Variants in ZMAT4 observed in about 807,000 individuals in gnomAD.
The protein encoded by ZMAT4 is zinc finger matrin-type 4.
Under a neutral mutation model 28.7 loss-of-function variants are expected in ZMAT4, and 17 were observed. The observed-to-expected ratio is 0.59, with a 90% CI of 0.41 to 0.89. The LOEUF is 0.89. Ranked by LOEUF, ZMAT4 falls within the 40% of genes least tolerant of loss-of-function variation. The probability of loss-of-function intolerance (pLI) is 0.00; values close to 1 mark genes in which losing one functional copy is unlikely to be tolerated. For synonymous variants in ZMAT4, 117 were observed against 109.2 expected (o/e 1.07, Z -0.44); for missense variants, 240 against 283.8 (o/e 0.85, Z 1.11).
At chr8:40,873,912 T>G (rs982383450) in intron 1 of ZMAT4, among the ~76,000 whole-genome samples, 2 of 152,114 alleles carry the variant, frequency 1.3e-5, no homozygotes, top group African/African-American at 4.8e-5. Context: ...TAATTAACAT[T>G]AACAGAGTAA....
chr8:40,742,643 C>T (rs903907910), intron 3 of ZMAT4, among the ~76,000 whole-genome samples: 1 of 152,036 alleles, frequency 6.6e-6, no homozygotes, highest in African/African-American at 2.4e-5. Flanking sequence ...CATTTCCTCC[C>T]TCTAATCTAC....
intron 3 of ZMAT4, among the ~76,000 whole-genome samples, chr8:40,756,475 A>C (rs1012578998): frequency 4.7e-5 from 4 of 84,824 alleles, no homozygotes; most frequent in African/African-American, 1.9e-4. Flanking sequence ...TGTATACCTG[A>C]AAAAGAGATA....
chr8:40,717,525 G>C (rs937244235), intron 3 of ZMAT4, among the ~76,000 whole-genome samples: 1 of 152,032 alleles, frequency 6.6e-6, no homozygotes. Flanking sequence ...GCCAGGTGTG[G>C]TGGTGCATGC....
At chr8:40,564,816 G>A (rs1215580595) in intron 6 of ZMAT4, among the ~76,000 whole-genome samples, 1 of 152,132 alleles carries the variant, frequency 6.6e-6, no homozygotes, top group African/African-American at 2.4e-5. Flanking sequence ...TAATTGTTGA[G>A]CATCCATTGT....
At chr8:40,585,052 A>G (rs1335888720) in intron 5 of ZMAT4, among the ~76,000 whole-genome samples, 1 of 152,142 alleles carries the variant, frequency 6.6e-6, no homozygotes. Flanking sequence ...AGGCGTTCAC[A>G]TTATTATGGC....
At chr8:40,778,063 C>T (rs905089558) in intron 2 of ZMAT4, among the ~76,000 whole-genome samples, 6 of 152,210 alleles carry the variant, frequency 3.9e-5, no homozygotes, top group Admixed American at 3.3e-4. Flanking sequence ...CTAGGTAAAT[C>T]GGATTACAGT....
chr8:40,836,991 T>C (rs957247679), intron 1 of ZMAT4, among the ~76,000 whole-genome samples: 4 of 152,176 alleles, frequency 2.6e-5, no homozygotes, highest in East Asian at 1.9e-4. Context: ...GATACATACA[T>C]AGACAAATAA....
chr8:40,660,983 G>A (rs563875961), intron 5 of ZMAT4, among the ~76,000 whole-genome samples: 5 of 152,148 alleles, frequency 3.3e-5, no homozygotes, highest in African/African-American at 4.8e-5. Flanking sequence ...CAGGACAATG[G>A]CATCTTGGTA....
At chr8:40,601,597 AG>A (rs1805347577) in intron 5 of ZMAT4, among the ~76,000 whole-genome samples, 1 of 7,936 alleles carries the variant, frequency 1.3e-4, no homozygotes, top group Non-Finnish European at 3.3e-4. Context: ...AAAGAAAGAA[AG>A]AAAGAAAGAA....
chr8:40,799,155 C>CTGGA (rs139130789), intron 2 of ZMAT4, among the ~76,000 whole-genome samples: 32 of 146,190 alleles, frequency 2.2e-4, no homozygotes, highest in African/African-American at 6.9e-4. Context: ...GGCTGGCTGG[C>CTGGA]TGGATGGATG....
At chr8:40,746,199 C>T (rs1321907727) in intron 3 of ZMAT4, among the ~76,000 whole-genome samples, 1 of 146,110 alleles carries the variant, frequency 6.8e-6, no homozygotes, top group Non-Finnish European at 1.5e-5. Context: ...TTTCTTCCCA[C>T]CTTCCTTCCC....
chr8:40,864,229 A>G (rs1817600268), intron 1 of ZMAT4, among the ~76,000 whole-genome samples: 1 of 152,272 alleles, frequency 6.6e-6, no homozygotes, highest in Admixed American at 6.5e-5. Context: ...CACGAAAATC[A>G]GCAGGAAATG....
chr8:40,807,429 G>A (rs565501768), intron 2 of ZMAT4, among the ~76,000 whole-genome samples: 1 of 152,272 alleles, frequency 6.6e-6, no homozygotes, highest in East Asian at 1.9e-4. Flanking sequence ...GGGTGACAGA[G>A]CGAGACTCTG....
chr8:40,601,634 GAGAAAGAAAGAA>G, intron 5 of ZMAT4, among the ~76,000 whole-genome samples: 20 of 26,860 alleles, frequency 7.4e-4, no homozygotes, highest in African/African-American at 1.7e-3. Flanking sequence ...AAGAAAGAAA[GAGAAAGAAAGAA>G]AGAAAGAAAG....
chr8:40,819,590 T>G (rs1167522022), intron 2 of ZMAT4, among the ~76,000 whole-genome samples: 1 of 152,004 alleles, frequency 6.6e-6, no homozygotes, highest in Non-Finnish European at 1.5e-5. Context: ...AGCACATGGC[T>G]CCCACCTGCC....
At position 40,531,757 on chromosome 8, in the gene ZMAT4, C is replaced by G. The variant is rs1802700711; in HGVS notation, c.*466G>C. ...ATTTTCCACTAATAGTGATCTGTTC[C>G]AGTTCTGTGCATGTCACCCTCAACT... On this transcript the variant is annotated 3_prime_UTR_variant, in exon 7 of 7. Transcript: ENST00000297737. The G allele has an allele frequency of 6.5e-6, 1 of 153,120 alleles. No individual in the cohort carries two copies. Among genetic ancestry groups the G allele is most frequent in the South Asian group, 2.1e-4 (1 of 4,838 alleles). The allele number at this position is 153,120 out of a possible 1,614,324, so 9.5% of individuals were successfully genotyped here. A position where few individuals can be genotyped will look rare whatever the true frequency, so the allele number is the denominator to read the frequency against.
intron 3 of ZMAT4, among the ~76,000 whole-genome samples, chr8:40,723,540 C>T (rs931995598): frequency 6.3e-4 from 12 of 19,060 alleles, no homozygotes; most frequent in African/African-American, 2.2e-3. Flanking sequence ...AAGATTCCAT[C>T]TCAAAAAAAA....
intron 1 of ZMAT4, among the ~76,000 whole-genome samples, chr8:40,842,812 G>T (rs1417135247): frequency 1.3e-5 from 2 of 152,174 alleles, no homozygotes; most frequent in Non-Finnish European, 1.5e-5. Flanking sequence ...TTTCACTCTT[G>T]TTGCCAAGGC....
chr8:40,894,046 G>A (rs1818785138), intron 1 of ZMAT4, among the ~76,000 whole-genome samples: 1 of 152,240 alleles, frequency 6.6e-6, no homozygotes, highest in African/African-American at 2.4e-5. Flanking sequence ...AGAACAAAGA[G>A]CAAAGAAACT....
Sources: gnomAD v4.1 joint callset for allele counts (sites outside exome capture counted in the v4.1 genomes callset) on GRCh38, gnomAD v4.1.1 for gene constraint, MANE v1.5 for transcripts, NCBI Gene and HGNC (gene_info 2026-07-23, HGNC 2026-07-21) for gene names.